HOXB2: variants seen among roughly 807,000 people sequenced by gnomAD.
The protein encoded by HOXB2 is homeobox protein Hox-B2.
Under a neutral mutation model 13.1 loss-of-function variants are expected in HOXB2, and 14 were observed. The observed-to-expected ratio is 1.07, with a 90% CI of 0.71 to 1.67. The LOEUF (loss-of-function observed/expected upper bound fraction) is 1.67. Among genes scored for constraint, HOXB2 ranks in the 40% most tolerant of loss-of-function variants. HOXB2 has a pLI of 0.00. For missense variants in HOXB2, 582 were observed against 488.3 expected, an observed-to-expected ratio of 1.19 and a Z score of -1.81; for synonymous variants, 261 against 233.1, an observed-to-expected ratio of 1.12 and a Z score of -1.09.
At position 48,543,750 on chromosome 17, in the gene HOXB2, G is replaced by T; in HGVS notation, c.392-3C>A. On this transcript the variant is annotated splice_region_variant and splice_polypyrimidine_tract_variant and intron_variant, in intron 1 of 1. Transcript: ENST00000330070. Reference sequence around the variant, plus strand: ...AGCCTCCGGCAGTCCCAGGCCATCTGCAGGGAAAACAGGCTCGGCGTCATA... The same window carrying T: ...AGCCTCCGGCAGTCCCAGGCCATCTTCAGGGAAAACAGGCTCGGCGTCATA... 2 of 1,591,300 alleles carry T rather than the reference G, an allele frequency of 1.3e-6. No individual in the cohort carries two copies. The highest frequency in any genetic ancestry group is 1.7e-5 in the Admixed American group (1 of 58,506).
rs1428344274 is a variant in HOXB2, at chr17:48,543,665, C to T, written c.474G>A (p.Leu158=). The T allele has an allele frequency of 6.2e-7, 1 of 1,613,542 alleles. No individual in the cohort carries two copies. The highest frequency in any genetic ancestry group is 8.5e-7 in the Non-Finnish European group (1 of 1,179,988). The change falls in exon 2 of 2, where the codon CTG becomes CTA. Residue 158 remains leucine, a synonymous_variant. Transcript: ENST00000330070. ...ACTTATTAAAGTGGAATTCCTTCTC[C>T]AGTTCCAGCAGCTGCGTGTTGGTGT... is the stretch of plus-strand genomic sequence containing the variant. The part of the protein sequence containing the change: ...TAYTNTQLLE[L]EKEFHFNKYL...
chr17:48,542,991 A>C lies in HOXB2; in HGVS notation c.*77T>G. ...CAAAACACATAAGTCTATGCGACTG[A>C]GGGTGGGAGAGGCTCGATTTTTCCA... On this transcript the variant is annotated 3_prime_UTR_variant, in exon 2 of 2. Transcript: ENST00000330070. The C allele has an allele frequency of 8.8e-7, 1 of 1,141,394 alleles. No homozygotes were observed. The highest frequency in any genetic ancestry group is 1.2e-6 in the Non-Finnish European group (1 of 803,632). 70.7% of individuals were successfully genotyped at this position (1,141,394 alleles called of 1,614,324 possible). A position where few individuals can be genotyped will look rare whatever the true frequency, so the allele number is the denominator to read the frequency against.
Position 48,543,572 on chromosome 17 carries a change from G to A in HOXB2, c.567C>T (p.Val189=), listed in dbSNP as rs2068528299. The A allele has an allele frequency of 5.0e-6, 8 of 1,613,406 alleles. No individual in the cohort carries two copies. The highest frequency in any genetic ancestry group is 6.8e-6 in the Non-Finnish European group (8 of 1,179,994). The change falls in exon 2 of 2, where the codon GTC becomes GTT. Residue 189 remains valine (V), a synonymous_variant. Coordinates refer to ENST00000330070, the MANE Select transcript of HOXB2 (RefSeq NM_002145.4). ...LLDLTERQVK[V]WFQNRRMKHK... ...GCTTCATGCGCCGGTTCTGAAACCAGACTTTGACCTGCCTTTCGGTGAGGT... is the reference window on the plus strand; with the variant it reads ...GCTTCATGCGCCGGTTCTGAAACCAAACTTTGACCTGCCTTTCGGTGAGGT...
rs1211401251 is a variant in HOXB2, at chr17:48,543,278, G to A, written c.861C>T (p.Pro287=). 5.0e-6 allele frequency: 8 copies of A among 1,605,292 alleles called. No homozygotes were observed. In the East Asian group the frequency reaches 8.9e-5, roughly 18 times the overall value. ...CALRGAGGLE[P]GPLPEDVFSG... is the part of the protein sequence containing the mutation. ...AGAAGACGTCTTCTGGCAATGGCCC[G>A]GGCTCCAGCCCGCCGGCCCCGCGCA... The change falls in exon 2 of 2, where the codon CCC becomes CCT. Residue 287 remains proline, a synonymous_variant. Coordinates refer to ENST00000330070, the MANE Select transcript of HOXB2 (RefSeq NM_002145.4).
chr17:48,544,684 A>G lies in HOXB2; in HGVS notation c.228T>C (p.Pro76=). ...PRSQKRAEDG[P]ALPPPPPPPL... is the part of the protein sequence containing the mutation. ...GCGGCGGCGGTGGCGGCGGCAGAGC[A>G]GGCCCATCTTCGGCTCGCTTTTGGC... Residue 76 remains proline (P), a synonymous_variant, in exon 1 of 2, where the codon CCT becomes CCC. Coordinates refer to ENST00000330070, the MANE Select transcript of HOXB2 (RefSeq NM_002145.4). The G allele has an allele frequency of 1.9e-6, 3 of 1,613,320 alleles. No individual in the cohort carries two copies. The East Asian group carries it at 6.7e-5, about 36-fold the overall frequency.
chr17:48,544,195 C>T (rs1567936985), intron 1 of HOXB2: 1 of 985,210 alleles, frequency 1.0e-6, no homozygotes. Flanking sequence ...AGGGTCTATC[C>T]CAGCAACAAC....
Position 48,543,518 on chromosome 17 carries a change from C to T in HOXB2, c.621G>A (p.Pro207=). ...CCGGGCAGGCAGGCTCCCCATCCGG[C>T]GGCTCTCGGTGCTGCGTCTGCCGCT... ...KHKRQTQHRE[P]PDGEPACPGA... The change falls in exon 2 of 2, where the codon CCG becomes CCA. Residue 207 remains proline (P), a synonymous_variant. Coordinates refer to ENST00000330070, the MANE Select transcript of HOXB2 (RefSeq NM_002145.4). 1 of 1,612,810 alleles carries T rather than the reference C, an allele frequency of 6.2e-7. No individual in the cohort carries two copies. The highest frequency in any genetic ancestry group is 8.5e-7 in the Non-Finnish European group (1 of 1,179,942).
chr17:48,542,994 G>A lies in HOXB2; in HGVS notation c.*74C>T. 8.2e-7 allele frequency: 1 copy of A among 1,217,278 alleles called. No individual in the cohort carries two copies. The highest frequency in any genetic ancestry group is 1.5e-5 in the African/African-American group (1 of 65,462). 75.4% of individuals were successfully genotyped at this position (1,217,278 alleles called of 1,614,324 possible). A position where few individuals can be genotyped will look rare whatever the true frequency, so the allele number is the denominator to read the frequency against. ...AACACATAAGTCTATGCGACTGAGG[G>A]TGGGAGAGGCTCGATTTTTCCAGTA... is the stretch of plus-strand genomic sequence containing the variant. On this transcript the variant is annotated 3_prime_UTR_variant, in exon 2 of 2. Transcript: ENST00000330070.
rs569771003 is a variant in HOXB2 at position 48,543,833 on chromosome 17, A to G, written c.392-86T>C. 114 of 1,079,940 alleles carry G rather than the reference A, an allele frequency of 1.1e-4. No individual in the cohort carries two copies. In the East Asian group the frequency reaches 2.9e-3, roughly 27 times the overall value. The allele number at this position is 1,079,940 out of a possible 1,614,324, so 66.9% of individuals were successfully genotyped here. A position where few individuals can be genotyped will look rare whatever the true frequency, so the allele number is the denominator to read the frequency against. On this transcript the variant is annotated intron_variant, in intron 1 of 1. Transcript: ENST00000330070. ...GACTACCCCATCCTCCAAAACCAGT[A>G]TCACCTCTCCCCTTCCTCGCCACCC...
rs529714338 is a variant in HOXB2, at chr17:48,544,972, G to GCC, written c.-62_-61insGG. 1 of 1,147,268 alleles carries GCC rather than the reference G, an allele frequency of 8.7e-7. No homozygotes were observed. Among genetic ancestry groups the GCC allele is most frequent in the East Asian group, 3.0e-5 (1 of 33,296 alleles). 71.1% of individuals were successfully genotyped at this position (1,147,268 alleles called of 1,614,324 possible). A position where few individuals can be genotyped will look rare whatever the true frequency, so the allele number is the denominator to read the frequency against. ...GGCGTCAGGAGGGAGGATCGGAAGG[G>GCC]ACCCCCCTCCTGCACCCCCCCCGAT... is the stretch of plus-strand genomic sequence containing the variant. On this transcript the variant is annotated 5_prime_UTR_variant, in exon 1 of 2. Transcript: ENST00000330070.
Position 48,544,669 on chromosome 17 carries a change from TGGCGGCGGC to T in HOXB2, c.234_242del (p.Pro83_Pro85del), listed in dbSNP as rs751110584. The T allele has an allele frequency of 1.9e-6, 3 of 1,607,802 alleles. No individual in the cohort carries two copies. Among genetic ancestry groups the T allele is most frequent in the Non-Finnish European group, 2.5e-6 (3 of 1,177,634 alleles). On this transcript the variant is annotated inframe_deletion, in exon 1 of 2. Coordinates refer to ENST00000330070, the MANE Select transcript of HOXB2 (RefSeq NM_002145.4). Reference sequence around the variant, plus strand: ...GGGCAGCGGGGAGTGGCGGCGGCGGTGGCGGCGGCAGAGCAGGCCCATCTTCGGCTCGCT... The same window carrying T: ...GGGCAGCGGGGAGTGGCGGCGGCGGTAGAGCAGGCCCATCTTCGGCTCGCT...
chr17:48,544,465 CT>C (rs983859583), intron 1 of HOXB2, 55 bp downstream of exon 1: 174 of 1,522,388 alleles, frequency 1.1e-4, no homozygotes, highest in Admixed American at 2.0e-4. Flanking sequence ...CCTTCCACTG[CT>C]TTTTCTCCCC....
chr17:48,542,996 G>A lies in HOXB2; in HGVS notation c.*72C>T. 1 of 1,242,856 alleles carries A rather than the reference G, an allele frequency of 8.0e-7. No individual in the cohort carries two copies. Among genetic ancestry groups the A allele is most frequent in the Non-Finnish European group, 1.1e-6 (1 of 889,486 alleles). 77.0% of individuals were successfully genotyped at this position (1,242,856 alleles called of 1,614,324 possible). On this transcript the variant is annotated 3_prime_UTR_variant, in exon 2 of 2. Coordinates refer to ENST00000330070, the MANE Select transcript of HOXB2 (RefSeq NM_002145.4). ...CACATAAGTCTATGCGACTGAGGGTGGGAGAGGCTCGATTTTTCCAGTAGA... is the reference window on the plus strand; with the variant it reads ...CACATAAGTCTATGCGACTGAGGGTAGGAGAGGCTCGATTTTTCCAGTAGA...
rs2068526367 is a variant in HOXB2, at chr17:48,543,485, C to A, written c.654G>T (p.Leu218=). Residue 218 remains leucine, a synonymous_variant, in exon 2 of 2, where the codon CTG becomes CTT. Coordinates refer to ENST00000330070, the MANE Select transcript of HOXB2 (RefSeq NM_002145.4). ...CCTCGGCAGGGTCGCAGATGTCCTC[C>A]AGGGCTCCCGGGCAGGCAGGCTCCC... ...PDGEPACPGA[L]EDICDPAEEP... 1.2e-6 allele frequency: 2 copies of A among 1,611,862 alleles called. No individual in the cohort carries two copies. The highest frequency in any genetic ancestry group is 2.7e-5 in the African/African-American group (2 of 74,856).
chr17:48,544,313 GAGAA>G (rs1307571018), intron 1 of HOXB2: 6 of 1,391,010 alleles, frequency 4.3e-6, no homozygotes, highest in African/African-American at 3.1e-5. Context: ...GCCATAGGGA[GAGAA>G]AGAGAGAGAG....
Position 48,544,940 on chromosome 17 carries a change from T to TGGGGGGGG in HOXB2, c.-37_-30dup. The TGGGGGGGG allele has an allele frequency of 7.4e-6, 2 of 271,686 alleles. No individual in the cohort carries two copies. The highest frequency in any genetic ancestry group is 6.8e-5 in the Admixed American group (1 of 14,744). The allele number at this position is 271,686 out of a possible 1,614,324, so 16.8% of individuals were successfully genotyped here. A position where few individuals can be genotyped will look rare whatever the true frequency, so the allele number is the denominator to read the frequency against. On this transcript the variant is annotated 5_prime_UTR_variant, in exon 1 of 2. Transcript: ENST00000330070. ...TTTCAATGGTGGGGGAGGGGGCTGC[T>TGGGGGGGG]GGGGGGGGCGTCAGGAGGGAGGATC...
chr17:48,543,395 C>T lies in HOXB2; in HGVS notation c.744G>A (p.Pro248=), dbSNP rs1159106605. 7 of 1,583,310 alleles carry T rather than the reference C, an allele frequency of 4.4e-6. No individual in the cohort carries two copies. The highest frequency in any genetic ancestry group is 2.3e-5 in the East Asian group (1 of 44,210). ...TTAAGGCCCCCGGCACCACCTCCGG[C>T]GGGTGACAGCAGGCTTCCCACGCCG... ...SRAAWEACCH[P]PEVVPGALSA... is the part of the protein sequence containing the mutation. The change falls in exon 2 of 2, where the codon CCG becomes CCA. Residue 248 remains proline, a synonymous_variant. Transcript: ENST00000330070.
At position 48,543,023 on chromosome 17, in the gene HOXB2, G is replaced by A; in HGVS notation, c.*45C>T. On this transcript the variant is annotated 3_prime_UTR_variant, in exon 2 of 2. Transcript: ENST00000330070. ...GAGAGGCTCGATTTTTCCAGTAGAC[G>A]GCCAAGGAGCGCGGGGGTCGAAAGG... The A allele has an allele frequency of 6.8e-7, 1 of 1,481,184 alleles. No homozygotes were observed. The highest frequency in any genetic ancestry group is 1.4e-5 in the African/African-American group (1 of 70,346). 91.8% of individuals were successfully genotyped at this position (1,481,184 alleles called of 1,614,324 possible). A position where few individuals can be genotyped will look rare whatever the true frequency, so the allele number is the denominator to read the frequency against.
In HOXB2 at chr17:48,543,597, T is replaced by C; in HGVS notation, c.542A>G (p.Asp181Gly). Reference protein sequence around the residue: ...PRRVEIAALLDLTERQVKVWF... With the variant: ...PRRVEIAALLGLTERQVKVWF... Reference sequence around the variant, plus strand: ...GACTTTGACCTGCCTTTCGGTGAGGTCCAGCAAGGCCGCGATCTCGACGCG... The same window carrying C: ...GACTTTGACCTGCCTTTCGGTGAGGCCCAGCAAGGCCGCGATCTCGACGCG... The change falls in exon 2 of 2, where the codon GAC (aspartate) becomes GGC (glycine). Residue 181 changes from aspartate to glycine, a missense_variant. Transcript: ENST00000330070. The C allele has an allele frequency of 1.2e-6, 2 of 1,613,320 alleles. No individual in the cohort carries two copies. Among genetic ancestry groups the C allele is most frequent in the Non-Finnish European group, 1.7e-6 (2 of 1,179,952 alleles).
Sources: gnomAD v4.1 joint callset for allele counts on GRCh38, gnomAD v4.1.1 for gene constraint, MANE v1.5 for transcripts, NCBI Gene and HGNC (gene_info 2026-07-23, HGNC 2026-07-21) for gene names.